The following PTPRD variants were observed in gnomAD, a reference collection of about 807,000 sequenced individuals.
PTPRD encodes the protein protein tyrosine phosphatase receptor type D.
PTPRD carries 34 observed loss-of-function variants against 214.5 expected under a neutral mutation model. The observed-to-expected ratio is 0.16, with a 90% CI of 0.12 to 0.21. The LOEUF (loss-of-function observed/expected upper bound fraction) is 0.21. Among genes scored for constraint, PTPRD ranks in the 10% least tolerant of loss-of-function variants. PTPRD has a pLI of 1.00. For synonymous variants in PTPRD, 1,128 were observed against 845.7 expected (o/e 1.33, Z -5.79); for missense variants, 2,545 against 2,398.7 (o/e 1.06, Z -1.27).
At chr9:9,268,068 A>G (rs1940934938) in intron 9 of PTPRD, among the ~76,000 whole-genome samples, 1 of 149,738 alleles carries the variant, frequency 6.7e-6, no homozygotes, top group Non-Finnish European at 1.5e-5. Context: ...ATCCAAATCA[A>G]AAGAAAAAAT....
chr9:8,701,097 G>T (rs1441189209), intron 12 of PTPRD, among the ~76,000 whole-genome samples: 1 of 151,986 alleles, frequency 6.6e-6, no homozygotes, highest in Non-Finnish European at 1.5e-5. Context: ...GGAGGTGGAG[G>T]TTACAGTGAG....
intron 5 of PTPRD, among the ~76,000 whole-genome samples, chr9:9,875,136 C>A (rs963527676): frequency 6.6e-6 from 1 of 152,038 alleles, no homozygotes; most frequent in East Asian, 1.9e-4. Flanking sequence ...CCTGCATTCT[C>A]TAGTCAGTTT....
intron 9 of PTPRD, among the ~76,000 whole-genome samples, chr9:9,266,805 A>G (rs1439446196): frequency 2.0e-5 from 3 of 151,220 alleles, no homozygotes; most frequent in Non-Finnish European, 4.4e-5. Flanking sequence ...ATGTAGCCAA[A>G]GCAGTTCTAG....
At chr9:9,708,329 C>A (rs2097664655) in intron 7 of PTPRD, among the ~76,000 whole-genome samples, 1 of 152,012 alleles carries the variant, frequency 6.6e-6, no homozygotes, top group Non-Finnish European at 1.5e-5. Context: ...CATACTTTTG[C>A]TGGAGAGATC....
At chr9:10,594,637 T>G (rs894329327) in intron 2 of PTPRD, among the ~76,000 whole-genome samples, 8 of 151,972 alleles carry the variant, frequency 5.3e-5, no homozygotes, top group African/African-American at 1.9e-4. Context: ...GCTTACAATC[T>G]TCCAAGACTG....
Position 10,213,866 on chromosome 9 carries a change from C to A in PTPRD, c.-545+127097G>T, listed in dbSNP as rs868366150. Among the ~76,000 whole-genome samples the A allele has an allele frequency of 2.0e-4, 31 of 152,074 alleles. 1 individual carries two copies. The Middle Eastern group carries it at 0.01, about 50-fold the overall frequency. ...TTATTCATTTATAATTTATGAAATA[C>A]TTACTGAGATTATACAAGCTTCAGA... On this transcript the variant is annotated intron_variant, in intron 3 of 45. Transcript: ENST00000381196.
At chr9:8,454,012 AG>A (rs1366932588) in intron 33 of PTPRD, among the ~76,000 whole-genome samples, 1 of 152,240 alleles carries the variant, frequency 6.6e-6, no homozygotes, top group Non-Finnish European at 1.5e-5. Context: ...AGAAAGCTAG[AG>A]GGTTAGTTTG....
chr9:9,091,111 C>T (rs2099774992), intron 10 of PTPRD: 3 of 1,427,760 alleles, frequency 2.1e-6, no homozygotes, highest in South Asian at 2.3e-5. Context: ...TGTGAAGCTA[C>T]ATTACTGTGT....
rs565947873 is a variant in PTPRD, at chr9:9,577,536, C to G, written c.-286-2755G>C. The stretch of plus-strand genomic sequence containing the variant: ...CCGAGATTGTGCCACTGCATCCAGC[C>G]TGGGGGACAAAGTAAGACCTTGTCT... On this transcript the variant is annotated intron_variant, in intron 7 of 45. Transcript: ENST00000381196. Among the ~76,000 whole-genome samples, 5 of 151,978 alleles carry G rather than the reference C, an allele frequency of 3.3e-5. No individual in the cohort carries two copies. In the East Asian group the frequency reaches 9.7e-4, roughly 30 times the overall value.
chr9:9,749,901 G>C (rs985562255), intron 6 of PTPRD, among the ~76,000 whole-genome samples: 3 of 152,122 alleles, frequency 2.0e-5, no homozygotes, highest in Admixed American at 1.3e-4. Context: ...AAGGTCACTT[G>C]AAATAACCAG....
At chr9:8,739,606 G>T (rs992543667) in intron 11 of PTPRD, among the ~76,000 whole-genome samples, 2 of 152,132 alleles carry the variant, frequency 1.3e-5, no homozygotes, top group Non-Finnish European at 1.5e-5. Context: ...AAACAATGAG[G>T]TGAGAATTCT....
intron 11 of PTPRD, among the ~76,000 whole-genome samples, chr9:8,931,781 A>T (rs2098954332): frequency 6.6e-6 from 1 of 152,148 alleles, no homozygotes; most frequent in Non-Finnish European, 1.5e-5. Flanking sequence ...TCGGCTATGA[A>T]TCTGTCTGGT....
intron 8 of PTPRD, among the ~76,000 whole-genome samples, chr9:9,516,326 T>C (rs1364138216): frequency 6.6e-6 from 1 of 152,014 alleles, no homozygotes; most frequent in African/African-American, 2.4e-5. Flanking sequence ...TGTTGTCTTG[T>C]GAGAAAATTA....
intron 3 of PTPRD, among the ~76,000 whole-genome samples, chr9:10,130,850 T>G (rs1227345118): frequency 6.6e-6 from 1 of 152,108 alleles, no homozygotes; most frequent in Non-Finnish European, 1.5e-5. Context: ...AAATGGAAAT[T>G]GAAGTGACCT....
intron 12 of PTPRD, among the ~76,000 whole-genome samples, chr9:8,685,052 T>C (rs1187883875): frequency 6.6e-6 from 1 of 152,154 alleles, no homozygotes; most frequent in East Asian, 1.9e-4. Context: ...CAAGATGCCC[T>C]TCTGTCCTGA....
intron 4 of PTPRD, among the ~76,000 whole-genome samples, chr9:10,008,092 A>C (rs2096526407): frequency 6.6e-6 from 1 of 151,992 alleles, no homozygotes; most frequent in Admixed American, 6.6e-5. Context: ...ATTTGATAAA[A>C]GGTGAGAAAT....
chr9:8,364,701 C>T (rs746345734), intron 39 of PTPRD, among the ~76,000 whole-genome samples: 1 of 152,228 alleles, frequency 6.6e-6, no homozygotes, highest in Non-Finnish European at 1.5e-5. Context: ...GTTTATCTAT[C>T]TCTGACATCT....
intron 5 of PTPRD, among the ~76,000 whole-genome samples, chr9:9,784,948 G>A (rs1374178770): frequency 6.7e-6 from 1 of 148,168 alleles, no homozygotes; most frequent in Non-Finnish European, 1.5e-5. Context: ...TTTGAGCAGG[G>A]TTTGCTATGT....
chr9:8,735,138 GT>G (rs756286581), intron 11 of PTPRD, among the ~76,000 whole-genome samples: 6 of 126,084 alleles, frequency 4.8e-5, no homozygotes, highest in East Asian at 4.5e-4. Flanking sequence ...GTTTTTTTTT[GT>G]TTTTTTTTTT....
Sources: allele counts gnomAD v4.1 joint callset (sites outside exome capture counted in the v4.1 genomes callset), GRCh38; gene constraint gnomAD v4.1.1; transcripts MANE v1.5; gene names NCBI Gene and HGNC (gene_info 2026-07-23, HGNC 2026-07-21).